Variants in SBF2 observed in about 807,000 individuals in gnomAD.
SBF2 encodes the protein SET binding factor 2, also known as myotubularin-related protein 13.
In SBF2, 112 loss-of-function variants were observed where a neutral mutation model predicts 225.2. The ratio of observed to expected loss-of-function variants is 0.50; its 90% confidence interval spans 0.43 to 0.58. The LOEUF (loss-of-function observed/expected upper bound fraction) is 0.58, where lower values mean the gene tolerates loss of function less well. Among genes scored for constraint, SBF2 ranks in the 20% least tolerant of loss-of-function variants. The pLI, the probability that SBF2 is intolerant of heterozygous loss-of-function variation, is 0.00. For missense variants in SBF2, 1,996 were observed against 2,206.2 expected, an observed-to-expected ratio of 0.90 and a Z score of 1.91; for synonymous variants, 763 against 773.3, an observed-to-expected ratio of 0.99 and a Z score of 0.22.
At chr11:9,947,836 GA>G (rs1487529001) in intron 16 of SBF2, among the ~76,000 whole-genome samples, 1 of 152,086 alleles carries the variant, frequency 6.6e-6, no homozygotes, top group Non-Finnish European at 1.5e-5. Flanking sequence ...GTGCTGGTGG[GA>G]ATGTAAAATG....
In SBF2 at chr11:9,956,281, C is replaced by T. The variant is rs75147477; in HGVS notation, c.1860+5676G>A. 2.8e-3 allele frequency among the ~76,000 whole-genome samples: 434 copies of T among 152,288 alleles called. 1 individual carries two copies. The highest frequency in any genetic ancestry group is 9.5e-3 in the African/African-American group (397 of 41,584). On this transcript the variant is annotated intron_variant, in intron 16 of 39. Coordinates refer to ENST00000256190, the MANE Select transcript of SBF2 (RefSeq NM_030962.4). ...GCAAGAGCTCCTCTAGGAAGGAAAT[C>T]ACTAGGTGATAGAGTACGCTTCATA... is the stretch of plus-strand genomic sequence containing the variant.
chr11:10,166,640 C>T (rs943531653), intron 2 of SBF2, among the ~76,000 whole-genome samples: 13 of 152,010 alleles, frequency 8.6e-5, no homozygotes, highest in Non-Finnish European at 1.3e-4. Context: ...TCCCTGGTAT[C>T]GAAAGTAATA....
At chr11:10,119,941 T>C (rs1953357000) in intron 2 of SBF2, among the ~76,000 whole-genome samples, 1 of 152,192 alleles carries the variant, frequency 6.6e-6, no homozygotes, top group Admixed American at 6.5e-5. Flanking sequence ...AATTTTCTAA[T>C]TATGGTAAAA....
At chr11:10,073,702 G>A (rs1049002484) in intron 2 of SBF2, among the ~76,000 whole-genome samples, 1 of 152,086 alleles carries the variant, frequency 6.6e-6, no homozygotes, top group Non-Finnish European at 1.5e-5. Context: ...TCTAGCCTGG[G>A]AGACAGAGTG....
At chr11:10,006,378 T>A (rs546462816) in intron 6 of SBF2, among the ~76,000 whole-genome samples, 1 of 152,316 alleles carries the variant, frequency 6.6e-6, no homozygotes, top group Non-Finnish European at 1.5e-5. Flanking sequence ...AGACACTAAT[T>A]GGATCCCCAG....
At chr11:10,298,129 A>G (rs896318022), upstream of SBF2, among the ~76,000 whole-genome samples, 1 of 152,182 alleles carries the variant, frequency 6.6e-6, no homozygotes. Flanking sequence ...GGTGGCTCAC[A>G]CCTGTAATCC....
In SBF2 at chr11:10,035,038, C is replaced by T. The variant is rs568978102; in HGVS notation, c.280-3868G>A. 1.1e-4 allele frequency among the ~76,000 whole-genome samples: 17 copies of T among 152,288 alleles called. 1 individual carries two copies. Among genetic ancestry groups the T allele is most frequent in the African/African-American group, 3.4e-4 (14 of 41,576 alleles). On this transcript the variant is annotated intron_variant, in intron 3 of 39. Transcript: ENST00000256190. ...TAGTCTTCAGTTCAGAATCTCCGCTCGCTGCAAGCTCCACCTCCTGGGTTC... is the reference window on the plus strand; with the variant it reads ...TAGTCTTCAGTTCAGAATCTCCGCTTGCTGCAAGCTCCACCTCCTGGGTTC...
intron 1 of SBF2, among the ~76,000 whole-genome samples, chr11:10,265,956 G>A (rs1352908559): frequency 1.3e-5 from 2 of 152,198 alleles, no homozygotes; most frequent in Non-Finnish European, 2.9e-5. Flanking sequence ...CTAGCCTCAA[G>A]TGATCCTCTC....
rs1175683810 is a variant in SBF2, at chr11:10,171,353, A to T, written c.141+22549T>A. Among the ~76,000 whole-genome samples, 3 of 152,146 alleles carry T rather than the reference A, an allele frequency of 2.0e-5. No individual in the cohort carries two copies. In the East Asian group the frequency reaches 5.8e-4, roughly 29 times the overall value. On this transcript the variant is annotated intron_variant, in intron 2 of 39. Coordinates refer to ENST00000256190, the MANE Select transcript of SBF2 (RefSeq NM_030962.4). ...TTTAAACAGTTTGTATCATAAAGGG[A>T]TGTTGAATTTTATCAGATGCTTTTT...
intron 2 of SBF2, among the ~76,000 whole-genome samples, chr11:10,141,825 T>C (rs1954661667): frequency 6.6e-6 from 1 of 152,166 alleles, no homozygotes; most frequent in Non-Finnish European, 1.5e-5. Flanking sequence ...CCATCAAACT[T>C]ATTACAAAAC....
chr11:10,127,514 T>G (rs943522393), intron 2 of SBF2, among the ~76,000 whole-genome samples: 4 of 152,132 alleles, frequency 2.6e-5, no homozygotes, highest in African/African-American at 4.8e-5. Context: ...TATATCTTTA[T>G]CTTAACCATC....
At chr11:10,183,085 T>A (rs1775817850) in intron 2 of SBF2, among the ~76,000 whole-genome samples, 1 of 152,156 alleles carries the variant, frequency 6.6e-6, no homozygotes, top group Non-Finnish European at 1.5e-5. Flanking sequence ...TTTCTATGCT[T>A]TGTGGAGACA....
intron 1 of SBF2, among the ~76,000 whole-genome samples, chr11:10,201,101 A>C (rs905754626): frequency 2.0e-5 from 3 of 152,200 alleles, no homozygotes; most frequent in South Asian, 2.1e-4. Context: ...ATCATCTCAG[A>C]AGAAATGGCT....
chr11:10,036,350 ATG>A (rs1473734986), intron 3 of SBF2, among the ~76,000 whole-genome samples: 8 of 152,144 alleles, frequency 5.3e-5, no homozygotes, highest in African/African-American at 1.9e-4. Context: ...ACCATGGCAC[ATG>A]TATACCTATG....
At chr11:9,838,627 T>C (rs958549210) in intron 26 of SBF2, 3 of 152,232 alleles carry the variant, frequency 2.0e-5, no homozygotes, top group Non-Finnish European at 2.9e-5. Flanking sequence ...CCATTTAAAA[T>C]GACATATCTA....
In SBF2 at chr11:10,014,174, C is replaced by CA. The variant is rs1422539495; in HGVS notation, c.620-11486dup. Among the ~76,000 whole-genome samples the CA allele has an allele frequency of 3.3e-5, 5 of 152,250 alleles. No homozygotes were observed. In the East Asian group the frequency reaches 9.6e-4, roughly 29 times the overall value. On this transcript the variant is annotated intron_variant, in intron 6 of 39. Transcript: ENST00000256190. ...AAGACCAAAATTTTAGGTGTTAGGG[C>CA]ATGTGTTAGATCATTTCTACTGGGG...
intron 2 of SBF2, among the ~76,000 whole-genome samples, chr11:10,134,561 G>A (rs766547096): frequency 3.9e-5 from 6 of 152,172 alleles, no homozygotes; most frequent in Non-Finnish European, 8.8e-5. Context: ...TACAATGGGG[G>A]TACAGGCATT....
chr11:9,998,722 C>G (rs965050939), intron 8 of SBF2, among the ~76,000 whole-genome samples: 11 of 152,182 alleles, frequency 7.2e-5, no homozygotes, highest in African/African-American at 2.7e-4. Flanking sequence ...CAGCCTTCAG[C>G]ATACACATGA....
rs1287408113 is a variant in SBF2, at chr11:10,224,998, T to C, written c.56-31011A>G. Among the ~76,000 whole-genome samples the C allele has an allele frequency of 2.0e-5, 3 of 152,174 alleles. No individual in the cohort carries two copies. In the East Asian group the frequency reaches 5.8e-4, roughly 29 times the overall value. Reference sequence around the variant, plus strand: ...CAAGATAAACTCAAATTTTCACACATTTCAAATAGTGTTTCATTTTAAATA... The same window carrying C: ...CAAGATAAACTCAAATTTTCACACACTTCAAATAGTGTTTCATTTTAAATA... On this transcript the variant is annotated intron_variant, in intron 1 of 39. Coordinates refer to ENST00000256190, the MANE Select transcript of SBF2 (RefSeq NM_030962.4).
Sources: allele counts gnomAD v4.1 joint callset (sites outside exome capture counted in the v4.1 genomes callset), GRCh38; gene constraint gnomAD v4.1.1; transcripts MANE v1.5; gene names NCBI Gene and HGNC (gene_info 2026-07-23, HGNC 2026-07-21).